Variants in TBL1X observed in about 807,000 individuals in gnomAD.
The protein encoded by TBL1X is transducin beta like 1 X-linked.
Under a neutral mutation model 50.7 loss-of-function variants are expected in TBL1X, and 10 were observed. That is an observed-to-expected ratio of 0.20 (90% CI 0.12 to 0.33). The LOEUF (loss-of-function observed/expected upper bound fraction) is 0.33, where lower values mean the gene tolerates loss of function less well. Among genes scored for constraint, TBL1X ranks in the 10% least tolerant of loss-of-function variants. The pLI is 1.00. For missense variants in TBL1X, 340 were observed against 504.4 expected, an observed-to-expected ratio of 0.67 and a Z score of 3.12; for synonymous variants, 190 against 214.7, an observed-to-expected ratio of 0.88 and a Z score of 1.01.
intron 11 of TBL1X, among the ~76,000 whole-genome samples, chrX:9,696,642 C>T (rs996374866): frequency 2.7e-5 from 3 of 112,864 alleles, no homozygotes; most frequent in Non-Finnish European, 5.6e-5. Context: ...ATGTCTAGTG[C>T]CCCCATTTCA....
At chrX:9,600,489 T>G (rs2082551043) in intron 2 of TBL1X, among the ~76,000 whole-genome samples, 1 of 95,096 alleles carries the variant, frequency 1.1e-5, no homozygotes, top group African/African-American at 4.2e-5. Flanking sequence ...GGTACACAAA[T>G]GTCCGGACCA....
At chrX:9,588,349 A>G (rs921890425) in intron 2 of TBL1X, among the ~76,000 whole-genome samples, 5 of 111,941 alleles carry the variant, frequency 4.5e-5, no homozygotes, top group African/African-American at 1.6e-4. Flanking sequence ...CTATGTGTTC[A>G]TCTGTCAGTA....
At chrX:9,708,789 G>A (rs1477409542) in intron 13 of TBL1X, among the ~76,000 whole-genome samples, 3 of 109,893 alleles carry the variant, frequency 2.7e-5, no homozygotes, top group African/African-American at 9.9e-5. Context: ...GATTGCTTGA[G>A]TTTAAGAGGT....
chrX:9,697,052 T>G (rs1168156267), intron 11 of TBL1X, among the ~76,000 whole-genome samples: 3 of 112,479 alleles, frequency 2.7e-5, no homozygotes, highest in African/African-American at 9.7e-5. Flanking sequence ...AAACATGCTG[T>G]ACTTTAATGA....
chrX:9,650,935 A>C (rs182933136), intron 3 of TBL1X, among the ~76,000 whole-genome samples: 25 of 108,020 alleles, frequency 2.3e-4, no homozygotes, highest in African/African-American at 8.1e-4. Context: ...ACCGTCTTTC[A>C]CAAATGTATG....
chrX:9,611,880 T>G (rs766725627), intron 2 of TBL1X, among the ~76,000 whole-genome samples: 1 of 112,373 alleles, frequency 8.9e-6, no homozygotes, highest in East Asian at 2.8e-4. Flanking sequence ...CTTGCCTGGA[T>G]GCTCTGTGGG....
chrX:9,466,944 C>T (rs2081779362), intron 1 of TBL1X, among the ~76,000 whole-genome samples: 1 of 112,034 alleles, frequency 8.9e-6, no homozygotes, highest in African/African-American at 3.3e-5. Context: ...AGAACACACA[C>T]CTGTAGGGCA....
At chrX:9,515,117 G>C (rs1174264374) in intron 2 of TBL1X, among the ~76,000 whole-genome samples, 1 of 111,780 alleles carries the variant, frequency 8.9e-6, no homozygotes, top group East Asian at 2.8e-4. Flanking sequence ...CAGACTGATG[G>C]AGGGGGGAAA....
At chrX:9,517,749 G>A (rs1221594919) in intron 2 of TBL1X, among the ~76,000 whole-genome samples, 1 of 112,186 alleles carries the variant, frequency 8.9e-6, no homozygotes, top group African/African-American at 3.2e-5. Context: ...GTGCCCTGGG[G>A]AGTGCATGAG....
intron 5 of TBL1X, among the ~76,000 whole-genome samples, chrX:9,677,153 C>T (rs933203958): frequency 9.0e-6 from 1 of 111,103 alleles, no homozygotes; most frequent in African/African-American, 3.3e-5. Flanking sequence ...CCACCTCCAC[C>T]ACCTTGTCCC....
In TBL1X at chrX:9,491,306, TTATATA is replaced by T. The variant is rs757466880; in HGVS notation, c.-200-10446_-200-10441del. ...GCATCACCGCACTTGGCCAGTATATTTATATATATATATATATATATATATATATAT... is the reference window on the plus strand; with the variant it reads ...GCATCACCGCACTTGGCCAGTATATTTATATATATATATATATATATATAT... On this transcript the variant is annotated intron_variant, in intron 1 of 17. Coordinates refer to ENST00000645353, the MANE Select transcript of TBL1X (RefSeq NM_005647.4). 4.3e-3 allele frequency among the ~76,000 whole-genome samples: 222 copies of T among 51,858 alleles called. 1 individual carries two copies. Among genetic ancestry groups the T allele is most frequent in the African/African-American group, 0.011 (147 of 12,789 alleles). The allele number at this position is 51,858 out of a possible 115,157, so 45.0% of individuals were successfully genotyped here.
chrX:9,533,793 C>T (rs983490091), intron 2 of TBL1X, among the ~76,000 whole-genome samples: 4 of 111,518 alleles, frequency 3.6e-5, no homozygotes, highest in African/African-American at 1.3e-4. Context: ...GGGTGTGCTG[C>T]TCCGGGCTCC....
In TBL1X at chrX:9,659,186, G is replaced by A. The variant is rs757653875; in HGVS notation, c.211+4864G>A. Reference sequence around the variant, plus strand: ...TGAAGAGGAAAGAAGGAAGGAATGCGCGGAGCTGGCTTGAGCATAGTCAAC... The same window carrying A: ...TGAAGAGGAAAGAAGGAAGGAATGCACGGAGCTGGCTTGAGCATAGTCAAC... On this transcript the variant is annotated intron_variant, in intron 5 of 17. Transcript: ENST00000645353. Among the ~76,000 whole-genome samples the A allele has an allele frequency of 3.3e-4, 37 of 111,858 alleles. 1 individual carries two copies. Among genetic ancestry groups the A allele is most frequent in the South Asian group, 2.2e-3 (6 of 2,678 alleles).
At chrX:9,631,681 A>G (rs1185458008) in intron 2 of TBL1X, among the ~76,000 whole-genome samples, 2 of 113,026 alleles carry the variant, frequency 1.8e-5, no homozygotes, top group Admixed American at 1.9e-4. Flanking sequence ...ACTTTTATAC[A>G]TGTTACAAAC....
chrX:9,486,589 A>AC (rs369631747), intron 1 of TBL1X, among the ~76,000 whole-genome samples: 345 of 99,052 alleles, frequency 3.5e-3, no homozygotes, highest in South Asian at 5.9e-3. Flanking sequence ...CAGAACACAC[A>AC]CCCCCCCCCC....
intron 1 of TBL1X, among the ~76,000 whole-genome samples, chrX:9,480,023 T>G (rs1349913790): frequency 1.8e-5 from 2 of 108,492 alleles, no homozygotes; most frequent in African/African-American, 3.4e-5. Context: ...TGATCTCGGC[T>G]CACCGCAACC....
chrX:9,621,160 C>T (rs925395351), intron 2 of TBL1X, among the ~76,000 whole-genome samples: 1 of 111,354 alleles, frequency 9.0e-6, no homozygotes, highest in Non-Finnish European at 1.9e-5. Context: ...GTCATGCAGT[C>T]CCTGCAGGGA....
At chrX:9,474,408 G>A (rs143935641) in intron 1 of TBL1X, among the ~76,000 whole-genome samples, 1,616 of 113,227 alleles carry the variant, frequency 0.014, 32 homozygotes, top group African/African-American at 0.049. Flanking sequence ...GTATGTGTGC[G>A]TTTGCACGCA....
intron 12 of TBL1X, among the ~76,000 whole-genome samples, chrX:9,701,299 AG>A (rs1012550607): frequency 3.6e-5 from 4 of 110,547 alleles, no homozygotes; most frequent in African/African-American, 9.9e-5. Context: ...CAGAAGAATG[AG>A]GGCTATTGAA....
Sources: gnomAD v4.1 joint callset for allele counts (sites outside exome capture counted in the v4.1 genomes callset) on GRCh38, gnomAD v4.1.1 for gene constraint, MANE v1.5 for transcripts, NCBI Gene and HGNC (gene_info 2026-07-23, HGNC 2026-07-21) for gene names.